Variants in SMARCA2 observed in about 807,000 individuals in gnomAD.
SMARCA2 encodes SWI/SNF related BAF chromatin remodeling complex subunit ATPase 2, also known as SWI/SNF-related matrix-associated actin-dependent regulator of chromatin subfamily A member 2.
Under a neutral mutation model 199.8 loss-of-function variants are expected in SMARCA2, and 61 were observed. The ratio of observed to expected loss-of-function variants is 0.31; its 90% confidence interval spans 0.25 to 0.38. The LOEUF (loss-of-function observed/expected upper bound fraction) is 0.38, where lower values mean the gene tolerates loss of function less well. Ranked by LOEUF, SMARCA2 falls within the 10% of genes least tolerant of loss-of-function variation. The pLI, the probability that SMARCA2 is intolerant of heterozygous loss-of-function variation, is 1.00. For missense variants in SMARCA2, 1,344 were observed against 2,012.2 expected (o/e 0.67, Z 6.35); for synonymous variants, 935 against 732.0 (o/e 1.28, Z -4.48).
chr9:2,141,176 A>C (rs1291469774), intron 27 of SMARCA2, among the ~76,000 whole-genome samples: 3 of 107,092 alleles, frequency 2.8e-5, no homozygotes, highest in Non-Finnish European at 6.0e-5. Flanking sequence ...GAGCCAAATT[A>C]GACCCTTTCT....
At chr9:2,074,559 A>G (rs1821238671) in intron 12 of SMARCA2, among the ~76,000 whole-genome samples, 2 of 152,214 alleles carry the variant, frequency 1.3e-5, no homozygotes, top group South Asian at 4.1e-4. Flanking sequence ...CATTACAAAA[A>G]AGCATAATCA....
rs764391439 is a variant in SMARCA2 at position 2,081,867 on chromosome 9, T to C, written c.2220T>C (p.Asn740=). 1 of 1,614,124 alleles carries C rather than the reference T, an allele frequency of 6.2e-7. No individual in the cohort carries two copies. Among genetic ancestry groups the C allele is most frequent in the South Asian group, 1.1e-5 (1 of 91,076 alleles). ...QGLEWMVSLY[N]NNLNGILADE... is the part of the protein sequence containing the mutation. ...TGGAATGGATGGTTTCCCTGTATAA[T>C]AACAACTTGAACGGAATCTTAGCCG... is the stretch of plus-strand genomic sequence containing the variant. Residue 740 remains asparagine (N), a synonymous_variant, in exon 15 of 34, where the codon AAT becomes AAC. Coordinates refer to ENST00000349721, the MANE Select transcript of SMARCA2 (RefSeq NM_003070.5).
chr9:2,063,988 A>G (rs1035077145), intron 9 of SMARCA2, among the ~76,000 whole-genome samples: 32 of 152,376 alleles, frequency 2.1e-4, no homozygotes, highest in African/African-American at 7.5e-4. Context: ...AACTACATGT[A>G]TCTCCTTAAG....
chr9:2,183,601 C>T (rs1245794192), intron 31 of SMARCA2, among the ~76,000 whole-genome samples: 1 of 152,188 alleles, frequency 6.6e-6, no homozygotes, highest in African/African-American at 2.4e-5. Flanking sequence ...CTGATCATAC[C>T]CTTCTGCCTG....
At chr9:2,065,075 C>T (rs779077125) in intron 9 of SMARCA2, among the ~76,000 whole-genome samples, 2 of 152,152 alleles carry the variant, frequency 1.3e-5, no homozygotes, top group Non-Finnish European at 2.9e-5. Context: ...GTCCCAGCTA[C>T]TCAGGAGGCT....
intron 32 of SMARCA2, among the ~76,000 whole-genome samples, chr9:2,190,107 C>T (rs1022265746): frequency 1.3e-5 from 2 of 152,154 alleles, no homozygotes; most frequent in African/African-American, 4.8e-5. Context: ...AGCAGATTGT[C>T]TTTGTTCTTT....
chr9:2,075,783 G>A (rs75925517), intron 12 of SMARCA2, among the ~76,000 whole-genome samples: 11,256 of 152,096 alleles, frequency 0.074, 509 homozygotes, highest in Middle Eastern at 0.12. Context: ...TCAGCCCCCC[G>A]AGTAGCTGGG....
At chr9:2,133,353 C>T (rs1438809217) in intron 27 of SMARCA2, among the ~76,000 whole-genome samples, 1 of 152,158 alleles carries the variant, frequency 6.6e-6, no homozygotes, top group Non-Finnish European at 1.5e-5. Flanking sequence ...GTCACCCAGG[C>T]TTACTGCAGC....
intron 7 of SMARCA2, among the ~76,000 whole-genome samples, chr9:2,057,170 G>A (rs577659972): frequency 9.2e-5 from 14 of 152,324 alleles, no homozygotes; most frequent in African/African-American, 3.4e-4. Context: ...ATTTTTCACC[G>A]TTCTGGAGGC....
intron 17 of SMARCA2, among the ~76,000 whole-genome samples, chr9:2,085,414 G>A (rs1395714780): frequency 3.9e-5 from 6 of 152,186 alleles, no homozygotes; most frequent in African/African-American, 1.4e-4. Flanking sequence ...TTTTGTCCAA[G>A]TGGAAGACCT....
At chr9:2,177,802 T>C (rs767389179) in intron 29 of SMARCA2, among the ~76,000 whole-genome samples, 1 of 152,248 alleles carries the variant, frequency 6.6e-6, no homozygotes, top group Non-Finnish European at 1.5e-5. Flanking sequence ...TCGGCCCGCC[T>C]CTGCCTCCCA....
chr9:2,103,595 CT>C (rs982715139), intron 22 of SMARCA2, among the ~76,000 whole-genome samples: 5 of 150,786 alleles, frequency 3.3e-5, no homozygotes, highest in Non-Finnish European at 7.4e-5. Context: ...AAGTTATATA[CT>C]GAATAAGGAG....
intron 28 of SMARCA2, among the ~76,000 whole-genome samples, chr9:2,168,399 C>A (rs1428762102): frequency 2.6e-5 from 4 of 152,216 alleles, no homozygotes; most frequent in Admixed American, 2.6e-4. Context: ...AATTCCTATA[C>A]ACACTGAAAA....
At chr9:2,103,603 G>A (rs994097385) in intron 22 of SMARCA2, among the ~76,000 whole-genome samples, 5 of 150,974 alleles carry the variant, frequency 3.3e-5, no homozygotes, top group Non-Finnish European at 7.4e-5. Flanking sequence ...TACTGAATAA[G>A]GAGAAATTTA....
chr9:2,022,405 G>A (rs1161321253), intron 1 of SMARCA2, among the ~76,000 whole-genome samples: 2 of 152,188 alleles, frequency 1.3e-5, no homozygotes, highest in Non-Finnish European at 2.9e-5. Context: ...ACTCAGAGAG[G>A]TTAAATGAAC....
chr9:2,083,981 G>A (rs1821683461), intron 16 of SMARCA2, 105 bp from the exon 17 acceptor site: 3 of 651,612 alleles, frequency 4.6e-6, no homozygotes, highest in Non-Finnish European at 5.5e-6. Context: ...GTGTGTCTGT[G>A]CATTCTTCAG....
At chr9:2,054,383 A>G (rs997291475) in intron 5 of SMARCA2, among the ~76,000 whole-genome samples, 2 of 152,212 alleles carry the variant, frequency 1.3e-5, no homozygotes, top group African/African-American at 2.4e-5. Context: ...AGGAAGCCAC[A>G]TTGTTAAGTA....
chr9:2,055,157 C>G (rs941269608), intron 6 of SMARCA2, among the ~76,000 whole-genome samples: 2 of 152,240 alleles, frequency 1.3e-5, no homozygotes, highest in African/African-American at 4.8e-5. Flanking sequence ...AGCCACGCTA[C>G]TGAATTAGTG....
chr9:2,058,674 T>C (rs572718910), intron 8 of SMARCA2, among the ~76,000 whole-genome samples: 1 of 152,322 alleles, frequency 6.6e-6, no homozygotes, highest in Non-Finnish European at 1.5e-5. Flanking sequence ...GACTGATGCG[T>C]ATAGTATTTC....
Sources: gnomAD v4.1 joint callset for allele counts (sites outside exome capture counted in the v4.1 genomes callset) on GRCh38, gnomAD v4.1.1 for gene constraint, MANE v1.5 for transcripts, NCBI Gene and HGNC (gene_info 2026-07-23, HGNC 2026-07-21) for gene names.